CD48: variants seen among roughly 807,000 people sequenced by gnomAD.
CD48 encodes CD48 antigen.
Under a neutral mutation model 22.0 loss-of-function variants are expected in CD48, and 20 were observed. The ratio of observed to expected loss-of-function variants is 0.91; its 90% confidence interval spans 0.64 to 1.32. The LOEUF (loss-of-function observed/expected upper bound fraction) is 1.32, where lower values mean the gene tolerates loss of function less well. CD48 is among the 40% of genes most tolerant of loss of function. The probability of loss-of-function intolerance (pLI) is 0.00; values close to 1 mark genes in which losing one functional copy is unlikely to be tolerated. For synonymous variants in CD48, 110 were observed against 110.1 expected (o/e 1.00, Z 0.01); for missense variants, 307 against 286.5 (o/e 1.07, Z -0.52).
intron 1 of CD48, among the ~76,000 whole-genome samples, chr1:160,705,948 G>A (rs2102439367): frequency 6.6e-6 from 1 of 152,238 alleles, no homozygotes; most frequent in Non-Finnish European, 1.5e-5. Context: ...CATTCACCCT[G>A]GTTGAGAAGT....
intron 1 of CD48, among the ~76,000 whole-genome samples, chr1:160,689,937 C>T (rs984664991): frequency 7.2e-5 from 11 of 152,094 alleles, no homozygotes; most frequent in Admixed American, 3.9e-4. Flanking sequence ...TGTATAATGG[C>T]GTTTGGCTGC....
At chr1:160,683,963 AG>A (rs1449203729) in intron 2 of CD48, 1 of 152,050 alleles carries the variant, frequency 6.6e-6, no homozygotes, top group African/African-American at 2.4e-5. Context: ...TGTTTAGATC[AG>A]GTACACACAC....
Position 160,681,398 on chromosome 1 carries a change from C to G in CD48, c.456G>C (p.Leu152=). ...CAGACTCGCCAGGTATCACACATGA[C>G]AGTTTCAGATAACAGTTGTCATCCA... The part of the protein sequence containing the change: ...EDMDDNCYLK[L]SCVIPGESVN... Residue 152 remains leucine (L), a synonymous_variant, in exon 3 of 4, where the codon CTG becomes CTC. Coordinates refer to ENST00000368046, the MANE Select transcript of CD48 (RefSeq NM_001778.4). The G allele has an allele frequency of 3.1e-6, 5 of 1,614,194 alleles. No individual in the cohort carries two copies. The highest frequency in any genetic ancestry group is 1.7e-5 in the Admixed American group (1 of 60,030).
At chr1:160,694,811 A>G (rs1260970493) in intron 1 of CD48, among the ~76,000 whole-genome samples, 2 of 152,198 alleles carry the variant, frequency 1.3e-5, no homozygotes, top group Non-Finnish European at 2.9e-5. Flanking sequence ...TGGAAAACAG[A>G]AAAACTGGTG....
chr1:160,681,466 G>C lies in CD48; in HGVS notation c.388C>G (p.Pro130Ala), dbSNP rs773133701. The C allele has an allele frequency of 1.9e-6, 3 of 1,613,342 alleles. No homozygotes were observed. Among genetic ancestry groups the C allele is most frequent in the South Asian group, 2.2e-5 (2 of 90,982 alleles). Residue 130 changes from proline to alanine, a missense_variant and splice_region_variant, in exon 3 of 4, where the codon CCT becomes GCT. Pro to Ala is a conservative substitution (Grantham distance 27). Coordinates refer to ENST00000368046, the MANE Select transcript of CD48 (RefSeq NM_001778.4). Reference protein sequence around the residue: ...EWKIKLQVLDPVPKPVIKIEK... With the variant: ...EWKIKLQVLDAVPKPVIKIEK... ...ATTTTGATGACAGGCTTGGGTACAGGGTCTGAAAGTGAGGAGGATGTTATA... is the reference window on the plus strand; with the variant it reads ...ATTTTGATGACAGGCTTGGGTACAGCGTCTGAAAGTGAGGAGGATGTTATA...
rs1030390559 is a variant in CD48, at chr1:160,678,896, T to A, written c.*156A>T. 6.7e-6 allele frequency: 4 copies of A among 601,010 alleles called. No homozygotes were observed. The highest frequency in any genetic ancestry group is 1.2e-5 in the Non-Finnish European group (4 of 334,044). The allele number at this position is 601,010 out of a possible 1,614,324, so 37.2% of individuals were successfully genotyped here. A position where few individuals can be genotyped will look rare whatever the true frequency, so the allele number is the denominator to read the frequency against. On this transcript the variant is annotated 3_prime_UTR_variant, in exon 4 of 4. Transcript: ENST00000368046. Reference sequence around the variant, plus strand: ...AACAAAGGGATATAAAATTAAATAATAACCAGTATTTAAAAGTTAACTTGA... The same window carrying A: ...AACAAAGGGATATAAAATTAAATAAAAACCAGTATTTAAAAGTTAACTTGA...
intron 1 of CD48, among the ~76,000 whole-genome samples, chr1:160,700,126 C>T (rs1662580957): frequency 6.6e-6 from 1 of 152,142 alleles, no homozygotes; most frequent in African/African-American, 2.4e-5. Flanking sequence ...GTCTGTAGGA[C>T]TTACATAGCC....
chr1:160,690,323 G>C (rs949513075), intron 1 of CD48, among the ~76,000 whole-genome samples: 3 of 152,162 alleles, frequency 2.0e-5, no homozygotes, highest in Non-Finnish European at 2.9e-5. Context: ...TATCTACTGA[G>C]ACATGCACAT....
chr1:160,687,911 T>C (rs1299693823), intron 1 of CD48, among the ~76,000 whole-genome samples: 3 of 152,244 alleles, frequency 2.0e-5, no homozygotes, highest in East Asian at 1.9e-4. Context: ...AATTTAGTTA[T>C]GTCCAATGAT....
At chr1:160,683,881 G>A (rs943279764) in intron 2 of CD48, 1 of 152,078 alleles carries the variant, frequency 6.6e-6, no homozygotes, top group Non-Finnish European at 1.5e-5. Context: ...TACAAGAATT[G>A]CATACCCCAA....
intron 2 of CD48, among the ~76,000 whole-genome samples, chr1:160,682,902 G>A (rs1223686026): frequency 6.6e-6 from 1 of 152,190 alleles, no homozygotes; most frequent in East Asian, 1.9e-4. Flanking sequence ...TGAAACATCT[G>A]CAGAATCAAT....
In CD48 at chr1:160,685,266, G is replaced by C. The variant is rs1407045810; in HGVS notation, c.83-77C>G. 4 of 1,053,960 alleles carry C rather than the reference G, an allele frequency of 3.8e-6. No individual in the cohort carries two copies. The African/African-American group carries it at 6.4e-5, about 17-fold the overall frequency. 65.3% of individuals were successfully genotyped at this position (1,053,960 alleles called of 1,614,324 possible). A position where few individuals can be genotyped will look rare whatever the true frequency, so the allele number is the denominator to read the frequency against. ...ACAGGCCCAGGGTATAGCCTGGGCT[G>C]GTGGAACAGGTGAGAAGGAAGGGAT... On this transcript the variant is annotated intron_variant, in intron 1 of 3. Transcript: ENST00000368046.
intron 1 of CD48, among the ~76,000 whole-genome samples, chr1:160,689,944 C>T (rs964513779): frequency 3.9e-5 from 6 of 152,142 alleles, no homozygotes; most frequent in African/African-American, 1.4e-4. Context: ...TGGCGTTTGG[C>T]TGCAGTTACA....
At chr1:160,684,639 C>G in intron 2 of CD48, 1 of 1,236,988 alleles carries the variant, frequency 8.1e-7, no homozygotes. Flanking sequence ...CTCTAGTTTT[C>G]CTTCTCTTCA....
At chr1:160,695,015 T>C (rs931857921) in intron 1 of CD48, among the ~76,000 whole-genome samples, 9 of 152,192 alleles carry the variant, frequency 5.9e-5, no homozygotes, top group African/African-American at 1.7e-4. Flanking sequence ...ATTCAACCCA[T>C]GGGGCCTCTC....
At chr1:160,693,398 G>A (rs1571060445) in intron 1 of CD48, among the ~76,000 whole-genome samples, 1 of 152,216 alleles carries the variant, frequency 6.6e-6, no homozygotes, top group South Asian at 2.1e-4. Context: ...AGGATCAGAT[G>A]TAATCTCAGA....
chr1:160,680,803 T>C (rs1194731067), intron 3 of CD48: 2 of 1,154,566 alleles, frequency 1.7e-6, no homozygotes, highest in African/African-American at 1.6e-5. Flanking sequence ...TTTCCTTGGC[T>C]GACTTCGGCT....
At chr1:160,680,657 A>G (rs1661758309) in intron 3 of CD48, 1 of 1,009,272 alleles carries the variant, frequency 9.9e-7, no homozygotes, top group Non-Finnish European at 1.2e-6. Context: ...AAGTTCATCT[A>G]GGAACATCAG....
At chr1:160,700,404 C>T (rs547317365) in intron 1 of CD48, among the ~76,000 whole-genome samples, 2 of 152,224 alleles carry the variant, frequency 1.3e-5, no homozygotes, top group African/African-American at 4.8e-5. Flanking sequence ...GTATTCTGCA[C>T]CAAGCCTGTC....
Sources: allele counts gnomAD v4.1 joint callset (sites outside exome capture counted in the v4.1 genomes callset), GRCh38; gene constraint gnomAD v4.1.1; transcripts MANE v1.5; gene names NCBI Gene and HGNC (gene_info 2026-07-23, HGNC 2026-07-21).